The following RNF213 variants were observed in gnomAD, a reference collection of about 807,000 sequenced individuals.
RNF213 encodes the protein E3 ubiquitin-protein ligase RNF213.
RNF213 carries 341 observed loss-of-function variants against 514.4 expected under a neutral mutation model. The observed-to-expected ratio is 0.66, with a 90% CI of 0.61 to 0.73. RNF213 has a LOEUF of 0.73. RNF213 is among the 30% of genes least tolerant of loss of function. The pLI, the probability that RNF213 is intolerant of heterozygous loss-of-function variation, is 0.00. For missense variants in RNF213, 5,767 were observed against 6,615.6 expected, an observed-to-expected ratio of 0.87 and a Z score of 4.45; for synonymous variants, 2,655 against 2,658.2, an observed-to-expected ratio of 1.00 and a Z score of 0.04.
rs144609836 is a variant in RNF213 at position 80,397,464 on chromosome 17, G to T, written c.*3966G>T. 1 of 152,178 alleles carries T rather than the reference G, an allele frequency of 6.6e-6. No homozygotes were observed. The highest frequency in any genetic ancestry group is 2.1e-4 in the South Asian group (1 of 4,808). The allele number at this position is 152,178 out of a possible 1,614,324, so 9.4% of individuals were successfully genotyped here. ...ACCCTGGGCCTGGTAGTTAAAGATC[G>T]ACGCCTGACCTAATCAGTGATGCTA... On this transcript the variant is annotated 3_prime_UTR_variant, in exon 68 of 68. Transcript: ENST00000582970.
Position 80,263,641 on chromosome 17 carries a change from G to C in RNF213, c.-41G>C, listed in dbSNP as rs1468126200. 1 of 1,557,712 alleles carries C rather than the reference G, an allele frequency of 6.4e-7. No homozygotes were observed. ...ATATAGCAGGCTGCCAGCGACTCCT[G>C]CTCTTGCTTCTGGATCTGCAGGGCA... is the stretch of plus-strand genomic sequence containing the variant. On this transcript the variant is annotated 5_prime_UTR_variant, in exon 2 of 68. Transcript: ENST00000582970. The surrounding 1 kb of genome is among the most constrained non-coding windows in gnomAD (Gnocchi z 4.9).
rs765581843 is a variant in RNF213, at chr17:80,376,547, A to C, written c.13428+4A>C. On this transcript the variant is annotated splice_donor_region_variant and intron_variant, in intron 52 of 67. Coordinates refer to ENST00000582970, the MANE Select transcript of RNF213 (RefSeq NM_001256071.3). ...CTTCTCCCCAGCCACCATGGCGGTAAGAGTAGGCCACAATTCCATCGGCCT... is the reference window on the plus strand; with the variant it reads ...CTTCTCCCCAGCCACCATGGCGGTACGAGTAGGCCACAATTCCATCGGCCT... The C allele has an allele frequency of 5.6e-5, 91 of 1,613,886 alleles. No individual in the cohort carries two copies. Among genetic ancestry groups the C allele is most frequent in the Middle Eastern group, 1.6e-4 (1 of 6,084 alleles).
intron 21 of RNF213, among the ~76,000 whole-genome samples, chr17:80,333,226 ATTTT>A (rs370966572): frequency 2.1e-5 from 3 of 141,008 alleles, no homozygotes; most frequent in Non-Finnish European, 1.5e-5. Flanking sequence ...TTTTTTTGGT[ATTTT>A]TTTTTTTTTT....
intron 11 of RNF213, 23 bp downstream of exon 11, chr17:80,298,541 T>C (rs761842740): frequency 6.2e-7 from 1 of 1,613,764 alleles, no homozygotes; most frequent in South Asian, 1.1e-5. Context: ...GTTGTGCTTA[T>C]CTACATGAAT....
Position 80,393,690 on chromosome 17 carries a change from GTACA to G in RNF213, c.*198_*201del. On this transcript the variant is annotated 3_prime_UTR_variant, in exon 68 of 68. Coordinates refer to ENST00000582970, the MANE Select transcript of RNF213 (RefSeq NM_001256071.3). ...GAAAGCCGAGCTGTTTCTGAACCAT[GTACA>G]TACATGTTCTGAAACTTTCTCATCA... The G allele has an allele frequency of 5.2e-6, 3 of 581,442 alleles. No homozygotes were observed. The highest frequency in any genetic ancestry group is 9.2e-6 in the Non-Finnish European group (3 of 325,902). The allele number at this position is 581,442 out of a possible 1,614,324, so 36.0% of individuals were successfully genotyped here.
intron 17 of RNF213, among the ~76,000 whole-genome samples, chr17:80,322,372 G>A (rs1364586693): frequency 4.0e-5 from 6 of 151,852 alleles, no homozygotes; most frequent in African/African-American, 4.8e-5. Flanking sequence ...GCTCATGCCT[G>A]TAGACCATCC....
At position 80,345,525 on chromosome 17, in the gene RNF213, C is replaced by T; in HGVS notation, c.7190C>T (p.Thr2397Ile). 3 of 1,612,790 alleles carry T rather than the reference C, an allele frequency of 1.9e-6. No homozygotes were observed. Among genetic ancestry groups the T allele is most frequent in the Non-Finnish European group, 1.7e-6 (2 of 1,178,840 alleles). ...TDPDKTYELT[T>I]DNMLKILAIE... ...CCCGACAAAACGTATGAGCTCACAA[C>T]CGACAATATGCTTAAAATCCTTGCC... Residue 2397 changes from threonine to isoleucine, a missense_variant, in exon 29 of 68, where the codon ACC (threonine) becomes ATC (isoleucine). Thr to Ile is a moderately conservative substitution (Grantham distance 89, BLOSUM62 -1). Coordinates refer to ENST00000582970, the MANE Select transcript of RNF213 (RefSeq NM_001256071.3). This position sits in a 1 kb window ranked among gnomAD's most constrained non-coding sequence, Gnocchi z 6.0.
intron 64 of RNF213, 69 bp from the exon 65 acceptor site, chr17:80,389,104 C>A (rs1434761522): frequency 6.8e-7 from 1 of 1,469,288 alleles, no homozygotes; most frequent in African/African-American, 1.4e-5. Context: ...GGGCTCGGCT[C>A]TCTTACCAGG....
At chr17:80,290,432 C>G (rs35057778) in intron 6 of RNF213, 138 bp from the exon 7 acceptor site, 191,153 of 995,872 alleles carry the variant, frequency 0.19, 20,972 homozygotes, top group African/African-American at 0.41. Context: ...CGAGTGTGCG[C>G]GTGTGTGCAT....
intron 7 of RNF213, among the ~76,000 whole-genome samples, chr17:80,291,421 G>A (rs1011307543): frequency 6.6e-6 from 1 of 151,858 alleles, no homozygotes; most frequent in Non-Finnish European, 1.5e-5. Flanking sequence ...GCAGTGGTGG[G>A]ATCACAGGTC....
At chr17:80,367,895 T>G (rs1469243474) in intron 43 of RNF213, 47 bp downstream of exon 43, 1 of 1,613,428 alleles carries the variant, frequency 6.2e-7, no homozygotes, top group South Asian at 1.1e-5. Flanking sequence ...TCTGAACCTC[T>G]CGTGGTTTTC....
In RNF213 at chr17:80,305,469, C is replaced by T. The variant is rs1037908811; in HGVS notation, c.2211-783C>T. ...CTGGGATTACAGACGTGAGCCACTG[C>T]GCCCGGCCTGATTTTATTACTATTT... On this transcript the variant is annotated intron_variant, in intron 11 of 67. Coordinates refer to ENST00000582970, the MANE Select transcript of RNF213 (RefSeq NM_001256071.3). Among the ~76,000 whole-genome samples, 16 of 151,968 alleles carry T rather than the reference C, an allele frequency of 1.1e-4. No homozygotes were observed. The East Asian group carries it at 1.7e-3, about 16-fold the overall frequency.
At chr17:80,368,287 C>T (rs544936926) in intron 44 of RNF213, 144 bp downstream of exon 44, 12 of 836,632 alleles carry the variant, frequency 1.4e-5, no homozygotes, top group East Asian at 2.5e-5. Context: ...ACGCCACTTA[C>T]GTACTTTCAT....
rs775651505 is a variant in RNF213 at position 80,288,387 on chromosome 17, C to T, written c.810+24C>T. On this transcript the variant is annotated intron_variant, in intron 4 of 67. Transcript: ENST00000582970. This position sits in a 1 kb window ranked among gnomAD's most constrained non-coding sequence, Gnocchi z 4.9. ...TGGTGAGTCATCCGGGAGAGATGGC[C>T]TGGGAGTGGCACTGAGCCCTCGGCA... is the stretch of plus-strand genomic sequence containing the variant. 1.1e-5 allele frequency: 17 copies of T among 1,610,382 alleles called. No homozygotes were observed. The African/African-American group carries it at 1.2e-4, about 11-fold the overall frequency.
intron 11 of RNF213, among the ~76,000 whole-genome samples, chr17:80,300,960 C>T (rs2045156060): frequency 1.3e-5 from 2 of 152,002 alleles, no homozygotes; most frequent in East Asian, 3.9e-4. Context: ...CTGTTCATGT[C>T]CTTTGCCCAC....
intron 67 of RNF213, among the ~76,000 whole-genome samples, chr17:80,391,033 G>T (rs980042978): frequency 4.6e-5 from 7 of 152,112 alleles, no homozygotes. Context: ...CTGCACTCCA[G>T]CCTGGGCAAC....
At position 80,379,812 on chromosome 17, in the gene RNF213, T is replaced by C. The variant is rs528783677; in HGVS notation, c.13640+98T>C. On this transcript the variant is annotated intron_variant, in intron 55 of 67. Transcript: ENST00000582970. ...AAAGTGATACTCAAGATAGTACTAATTACTCCAGTACATGTGGGCCTGTGT... is the reference window on the plus strand; with the variant it reads ...AAAGTGATACTCAAGATAGTACTAACTACTCCAGTACATGTGGGCCTGTGT... 30 of 966,170 alleles carry C rather than the reference T, an allele frequency of 3.1e-5. 1 individual carries two copies. In the Admixed American group the frequency reaches 5.6e-4, roughly 18 times the overall value. 59.8% of individuals were successfully genotyped at this position (966,170 alleles called of 1,614,324 possible). A position where few individuals can be genotyped will look rare whatever the true frequency, so the allele number is the denominator to read the frequency against.
At position 80,288,534 on chromosome 17, in the gene RNF213, T is replaced by C. The variant is rs1167373283; in HGVS notation, c.811-99T>C. The C allele has an allele frequency of 1.2e-6, 2 of 1,610,422 alleles. No homozygotes were observed. The highest frequency in any genetic ancestry group is 1.7e-6 in the Non-Finnish European group (2 of 1,178,094). ...CTCCACTGGGGATGCCAGCCCACCCTGTCCCTCGGCTTGTGGCAGATGCTG... is the reference window on the plus strand; with the variant it reads ...CTCCACTGGGGATGCCAGCCCACCCCGTCCCTCGGCTTGTGGCAGATGCTG... On this transcript the variant is annotated intron_variant, in intron 4 of 67. Coordinates refer to ENST00000582970, the MANE Select transcript of RNF213 (RefSeq NM_001256071.3). This position sits in a 1 kb window ranked among gnomAD's most constrained non-coding sequence, Gnocchi z 4.9.
chr17:80,369,412 A>G (rs952682304), intron 44 of RNF213, 90 bp from the exon 45 acceptor site: 7 of 1,310,056 alleles, frequency 5.3e-6, no homozygotes, highest in Non-Finnish European at 7.6e-6. Context: ...AAAAAAAAAA[A>G]AAGTGAAATG....
Sources: allele counts gnomAD v4.1 joint callset (sites outside exome capture counted in the v4.1 genomes callset), GRCh38; gene constraint gnomAD v4.1.1; non-coding constraint Gnocchi (gnomAD v3.1); transcripts MANE v1.5; gene names NCBI Gene and HGNC (gene_info 2026-07-23, HGNC 2026-07-21).